EXT2: variants seen among roughly 807,000 people sequenced by gnomAD.
EXT2 encodes the protein exostosin glycosyltransferase 2.
Under a neutral mutation model 81.6 loss-of-function variants are expected in EXT2, and 53 were observed. The observed-to-expected ratio is 0.65, with a 90% CI of 0.52 to 0.82. EXT2 has a LOEUF of 0.82. EXT2 is among the 40% of genes least tolerant of loss of function. The pLI is 0.00. For missense variants in EXT2, 774 were observed against 910.2 expected, an observed-to-expected ratio of 0.85 and a Z score of 1.93; for synonymous variants, 320 against 340.0, an observed-to-expected ratio of 0.94 and a Z score of 0.65.
Position 44,130,163 on chromosome 11 carries a change from T to G in EXT2, c.1173+25T>G, listed in dbSNP as rs776542307. ...GGTAAGAGGCCAAGTCTTGGGGAGG[T>G]GACATGGGTGGTACCGAAATGGTGG... On this transcript the variant is annotated intron_variant, in intron 7 of 13. Coordinates refer to ENST00000533608, the MANE Select transcript of EXT2 (RefSeq NM_207122.2). The G allele has an allele frequency of 1.6e-5, 25 of 1,580,536 alleles. 1 individual carries two copies. In the South Asian group the frequency reaches 2.4e-4, roughly 15 times the overall value.
intron 8 of EXT2, among the ~76,000 whole-genome samples, chr11:44,195,974 T>C (rs1209020905): frequency 2.0e-5 from 3 of 152,182 alleles, no homozygotes; most frequent in Non-Finnish European, 4.4e-5. Flanking sequence ...TTTAAGTGGG[T>C]AGATTGTATG....
chr11:44,150,648 C>T (rs1354020802), intron 7 of EXT2, among the ~76,000 whole-genome samples: 1 of 152,208 alleles, frequency 6.6e-6, no homozygotes, highest in East Asian at 1.9e-4. Flanking sequence ...CTAGTCAAAG[C>T]ACGTGTAGTC....
chr11:44,238,549 G>A, intron 13 of EXT2, among the ~76,000 whole-genome samples: 1 of 152,194 alleles, frequency 6.6e-6, no homozygotes, highest in East Asian at 1.9e-4. Context: ...ACTTTTAACA[G>A]TGTCAAGGAC....
intron 3 of EXT2, among the ~76,000 whole-genome samples, chr11:44,110,268 T>C (rs886990176): frequency 3.3e-5 from 5 of 152,228 alleles, no homozygotes; most frequent in Non-Finnish European, 5.9e-5. Flanking sequence ...ATCTAAACCT[T>C]CTTTGCATTA....
intron 12 of EXT2, among the ~76,000 whole-genome samples, chr11:44,235,250 T>TTTTTTG (rs869304268): frequency 8.2e-5 from 10 of 121,982 alleles, no homozygotes; most frequent in African/African-American, 1.8e-4. Flanking sequence ...TTTTTTTTTT[T>TTTTTTG]GGTGAGACTG....
At chr11:44,117,622 G>A (rs933182249) in intron 4 of EXT2, among the ~76,000 whole-genome samples, 41 of 152,170 alleles carry the variant, frequency 2.7e-4, no homozygotes, top group African/African-American at 9.4e-4. Flanking sequence ...ACTGGCCATA[G>A]ATATATGGGT....
chr11:44,115,516 AT>A (rs1555003742), intron 4 of EXT2, among the ~76,000 whole-genome samples: 1 of 152,170 alleles, frequency 6.6e-6, no homozygotes, highest in Non-Finnish European at 1.5e-5. Flanking sequence ...CCTGGTGAGA[AT>A]CTCAGTGAGC....
At chr11:44,223,651 CTTTTT>C (rs869143629) in intron 10 of EXT2, among the ~76,000 whole-genome samples, 1 of 138,744 alleles carries the variant, frequency 7.2e-6, no homozygotes, top group African/African-American at 2.6e-5. Context: ...AGTTGTGTGT[CTTTTT>C]TTTTTTTTTT....
intron 9 of EXT2, among the ~76,000 whole-genome samples, chr11:44,199,483 TTGCA>T (rs1439365457): frequency 1.3e-5 from 2 of 152,254 alleles, no homozygotes; most frequent in East Asian, 3.8e-4. Flanking sequence ...CTGTTGTGTC[TTGCA>T]GTAGTCACAG....
intron 1 of EXT2, among the ~76,000 whole-genome samples, chr11:44,097,112 C>A (rs1166657918): frequency 6.6e-6 from 1 of 152,068 alleles, no homozygotes; most frequent in Non-Finnish European, 1.5e-5. Context: ...TTGTACTATC[C>A]CCATCTGTAA....
intron 1 of EXT2, chr11:44,096,111 C>G: frequency 2.6e-6 from 2 of 781,842 alleles, no homozygotes; most frequent in Non-Finnish European, 4.4e-6. Flanking sequence ...ATCTTGGTAC[C>G]CACCTGTTCT....
intron 7 of EXT2, among the ~76,000 whole-genome samples, chr11:44,148,895 C>T (rs1954756171): frequency 1.3e-5 from 2 of 152,200 alleles, no homozygotes; most frequent in Admixed American, 1.3e-4. Flanking sequence ...GTTCACTTTT[C>T]ACCCTTTCTC....
rs1384310337 is a variant in EXT2, at chr11:44,190,707, T to G, written c.1306-7122T>G. On this transcript the variant is annotated intron_variant, in intron 8 of 13. Coordinates refer to ENST00000533608, the MANE Select transcript of EXT2 (RefSeq NM_207122.2). ...GCTGAAAGAGTCTTTTAGTTGGTAA[T>G]GAAATGTGGTTTTCCTTGCTCTTGA... Among the ~76,000 whole-genome samples the G allele has an allele frequency of 2.0e-5, 3 of 152,250 alleles. No homozygotes were observed. The East Asian group carries it at 5.8e-4, about 29-fold the overall frequency.
chr11:44,097,279 C>G (rs938933664), intron 1 of EXT2, among the ~76,000 whole-genome samples: 1 of 152,066 alleles, frequency 6.6e-6, no homozygotes, highest in Non-Finnish European at 1.5e-5. Context: ...GGTATAATTC[C>G]CATGATTAAA....
intron 13 of EXT2, among the ~76,000 whole-genome samples, chr11:44,241,796 C>A (rs1415608818): frequency 1.3e-5 from 2 of 152,228 alleles, no homozygotes; most frequent in East Asian, 3.8e-4. Context: ...GGGCCACCGG[C>A]AACCAGCCAA....
Position 44,197,854 on chromosome 11 carries a change from T to C in EXT2, c.1331T>C (p.Leu444Pro), listed in dbSNP as rs1955474374. 6.2e-7 allele frequency: 1 copy of C among 1,614,022 alleles called. No individual in the cohort carries two copies. The highest frequency in any genetic ancestry group is 1.7e-5 in the Admixed American group (1 of 60,014). Residue 444 changes from leucine (L) to proline (P), a missense_variant, in exon 9 of 14, where the codon CTC (leucine) becomes CCC (proline). This residue lies in a region of EXT2 where 626 missense variants were observed against 670.5 expected (regional missense o/e 0.93). Transcript: ENST00000533608. ...AVKWGSVSNP[L>P]FLPLIPPQSQ... Reference sequence around the variant, plus strand: ...AAGTGGGGCAGCGTGAGCAATCCACTCTTCCTCCCGCTGATCCCACCACAG... The same window carrying C: ...AAGTGGGGCAGCGTGAGCAATCCACCCTTCCTCCCGCTGATCCCACCACAG...
At chr11:44,204,781 A>T (rs537877912) in intron 9 of EXT2, among the ~76,000 whole-genome samples, 1 of 152,130 alleles carries the variant, frequency 6.6e-6, no homozygotes, top group African/African-American at 2.4e-5. Flanking sequence ...TCCTAAAACC[A>T]TCCCCGCCCC....
intron 8 of EXT2, among the ~76,000 whole-genome samples, chr11:44,191,761 C>A (rs959868663): frequency 4.6e-5 from 7 of 152,126 alleles, no homozygotes; most frequent in Non-Finnish European, 7.4e-5. Context: ...AGTTTGCTGA[C>A]CTTACCCTAG....
chr11:44,141,097 A>G (rs890013198), intron 7 of EXT2, among the ~76,000 whole-genome samples: 11 of 152,190 alleles, frequency 7.2e-5, no homozygotes, highest in Non-Finnish European at 1.0e-4. Flanking sequence ...CCTCCTGCAG[A>G]TACCAGAACT....
Sources: gnomAD v4.1 joint callset for allele counts (sites outside exome capture counted in the v4.1 genomes callset) on GRCh38, gnomAD v4.1.1 for gene constraint, gnomAD v4.1.1 regional missense constraint, MANE v1.5 for transcripts, NCBI Gene and HGNC (gene_info 2026-07-23, HGNC 2026-07-21) for gene names.